The following GINM1 variants were observed in gnomAD, a reference collection of about 807,000 sequenced individuals.
GINM1 encodes the protein glycosylated integral membrane protein 1.
GINM1 carries 29 observed loss-of-function variants against 37.8 expected under a neutral mutation model. The ratio of observed to expected loss-of-function variants is 0.77; its 90% CI spans 0.57 to 1.05. GINM1 has a LOEUF of 1.05. Ranked by LOEUF, GINM1 falls within the 50% of genes least tolerant of loss-of-function variation. GINM1 has a pLI of 0.00. For synonymous variants in GINM1, 143 were observed against 146.2 expected (o/e 0.98, Z 0.16); for missense variants, 377 against 397.9 (o/e 0.95, Z 0.45).
intron 3 of GINM1, 126 bp from the exon 4 acceptor site, chr6:149,578,696 G>A: frequency 3.2e-6 from 2 of 615,662 alleles, no homozygotes; most frequent in Admixed American, 3.4e-5. Context: ...GGTCAGGGAT[G>A]AAGAAAGCCA....
At chr6:149,583,598 C>T (rs1778031549) in intron 7 of GINM1, among the ~76,000 whole-genome samples, 1 of 149,564 alleles carries the variant, frequency 6.7e-6, no homozygotes, top group South Asian at 2.1e-4. Flanking sequence ...CATTGCACTC[C>T]AGCCTGGGAA....
intron 3 of GINM1, among the ~76,000 whole-genome samples, chr6:149,573,573 G>C (rs1777863031): frequency 6.6e-6 from 1 of 152,114 alleles, no homozygotes. Context: ...CTGGTAAGTA[G>C]ATAACGATGT....
At chr6:149,576,319 A>G (rs4039600) in intron 3 of GINM1, 82,631 of 152,096 alleles carry the variant, frequency 0.54, 25,932 homozygotes, top group East Asian at 0.84. Flanking sequence ...ATCTCACAAC[A>G]TGGCAACTAG....
At chr6:149,584,168 G>T (rs999651633) in intron 7 of GINM1, among the ~76,000 whole-genome samples, 3 of 152,016 alleles carry the variant, frequency 2.0e-5, no homozygotes. Context: ...TAGAGATGGG[G>T]TTTTTCCACG....
At chr6:149,585,673 A>G (rs920268456) in intron 7 of GINM1, among the ~76,000 whole-genome samples, 19 of 151,834 alleles carry the variant, frequency 1.3e-4, no homozygotes, top group African/African-American at 4.1e-4. Flanking sequence ...GCTCGCTGCA[A>G]GCTCCACCTC....
intron 7 of GINM1, among the ~76,000 whole-genome samples, chr6:149,586,125 AT>A (rs1008258964): frequency 6.6e-6 from 1 of 152,164 alleles, no homozygotes; most frequent in Non-Finnish European, 1.5e-5. Flanking sequence ...AAAAGAGGTT[AT>A]TTATTTAGCT....
intron 7 of GINM1, among the ~76,000 whole-genome samples, chr6:149,588,943 T>G (rs1422246814): frequency 6.6e-6 from 1 of 152,062 alleles, no homozygotes; most frequent in Non-Finnish European, 1.5e-5. Context: ...AGCTTGAGAT[T>G]ACAGGCGCCC....
intron 7 of GINM1, among the ~76,000 whole-genome samples, chr6:149,588,993 T>A (rs1778113327): frequency 6.6e-6 from 1 of 152,024 alleles, no homozygotes; most frequent in South Asian, 2.1e-4. Context: ...TTAGTAGAGA[T>A]GGGTTTCACC....
At chr6:149,587,282 A>C (rs1778082764) in intron 7 of GINM1, among the ~76,000 whole-genome samples, 1 of 152,182 alleles carries the variant, frequency 6.6e-6, no homozygotes, top group South Asian at 2.1e-4. Flanking sequence ...CTAATTCTCC[A>C]GTGGACACCA....
chr6:149,566,498 C>G lies in GINM1; in HGVS notation c.84C>G (p.Gly28=). 1 of 1,537,822 alleles carries G rather than the reference C, an allele frequency of 6.5e-7. No individual in the cohort carries two copies. Among genetic ancestry groups the G allele is most frequent in the East Asian group, 2.5e-5 (1 of 40,108 alleles). ...ALPASGWLTT[G]APEPPPLSGA... is the part of the protein sequence containing the mutation. ...CCGCCTCCGGCTGGCTGACGACGGGCGCCCCCGAGCCGCCGCCGCTGTCCG... is the reference window on the plus strand; with the variant it reads ...CCGCCTCCGGCTGGCTGACGACGGGGGCCCCCGAGCCGCCGCCGCTGTCCG... Residue 28 remains glycine, a synonymous_variant, in exon 1 of 8, where the codon GGC becomes GGG. Coordinates refer to ENST00000367419, the MANE Select transcript of GINM1 (RefSeq NM_138785.5). This position sits in a 1 kb window ranked among gnomAD's most constrained non-coding sequence, Gnocchi z 4.4.
intron 7 of GINM1, among the ~76,000 whole-genome samples, chr6:149,586,164 G>A (rs1425444847): frequency 6.6e-6 from 1 of 152,182 alleles, no homozygotes; most frequent in Non-Finnish European, 1.5e-5. Flanking sequence ...CGTGTAGGCT[G>A]TACAAGAAGC....
chr6:149,584,844 G>C (rs896552420), intron 7 of GINM1, among the ~76,000 whole-genome samples: 16 of 151,158 alleles, frequency 1.1e-4, no homozygotes, highest in Middle Eastern at 3.5e-3. Flanking sequence ...GAGAGAGAGA[G>C]ACACGGGGAT....
At position 149,566,965 on chromosome 6, in the gene GINM1, G is replaced by C. The variant is rs1231527485; in HGVS notation, c.120+431G>C. 6.6e-6 allele frequency among the ~76,000 whole-genome samples: 1 copy of C among 152,256 alleles called. No individual in the cohort carries two copies. The highest frequency in any genetic ancestry group is 2.4e-5 in the African/African-American group (1 of 41,466). On this transcript the variant is annotated intron_variant, in intron 1 of 7. Transcript: ENST00000367419. The surrounding 1 kb of genome is among the most constrained non-coding windows in gnomAD (Gnocchi z 4.4). ...TTTCCAGGCCACTTGTGCCTGCTCG[G>C]CCTGCGATCGCGAGGGTCCGCCGTT...
chr6:149,574,638 C>T (rs191837328), intron 3 of GINM1, among the ~76,000 whole-genome samples: 49 of 152,224 alleles, frequency 3.2e-4, no homozygotes, highest in Admixed American at 6.5e-5. Flanking sequence ...GCCTGTATTC[C>T]CAGCCCTTTG....
chr6:149,585,824 C>T (rs1778062923), intron 7 of GINM1, among the ~76,000 whole-genome samples: 1 of 152,108 alleles, frequency 6.6e-6, no homozygotes, highest in Non-Finnish European at 1.5e-5. Context: ...GATCCCCTGA[C>T]CTCGTGAGCC....
At chr6:149,575,551 C>G (rs1777901865) in intron 3 of GINM1, among the ~76,000 whole-genome samples, 1 of 152,206 alleles carries the variant, frequency 6.6e-6, no homozygotes, top group Non-Finnish European at 1.5e-5. Flanking sequence ...GGGAAGAAAT[C>G]ACATAGGATA....
chr6:149,579,550 G>T (rs1048352095), intron 4 of GINM1, among the ~76,000 whole-genome samples: 5 of 152,066 alleles, frequency 3.3e-5, no homozygotes, highest in Non-Finnish European at 7.3e-5. Context: ...AAGTTAGCTG[G>T]GCATGGTGGC....
intron 1 of GINM1, among the ~76,000 whole-genome samples, chr6:149,569,501 G>A (rs940664097): frequency 1.4e-5 from 2 of 147,482 alleles, no homozygotes. Context: ...ACCATGCCTG[G>A]CTAATTTTTG....
chr6:149,574,246 T>C (rs553533406), intron 3 of GINM1, among the ~76,000 whole-genome samples: 1 of 152,104 alleles, frequency 6.6e-6, no homozygotes, highest in South Asian at 2.1e-4. Context: ...AGATGGGGTT[T>C]CACCATATTG....
Sources: allele counts gnomAD v4.1 joint callset (sites outside exome capture counted in the v4.1 genomes callset), GRCh38; gene constraint gnomAD v4.1.1; non-coding constraint Gnocchi (gnomAD v3.1); transcripts MANE v1.5; gene names NCBI Gene and HGNC (gene_info 2026-07-23, HGNC 2026-07-21).